The following PTPRG variants were observed in gnomAD, a reference collection of about 807,000 sequenced individuals.
PTPRG encodes the protein receptor-type tyrosine-protein phosphatase gamma.
Under a neutral mutation model 165.3 loss-of-function variants are expected in PTPRG, and 102 were observed. That is an observed-to-expected ratio of 0.62 (90% CI 0.53 to 0.73). PTPRG has a LOEUF of 0.73. PTPRG is among the 30% of genes least tolerant of loss of function. The probability of loss-of-function intolerance (pLI) is 0.00; values close to 1 mark genes in which losing one functional copy is unlikely to be tolerated. For missense variants in PTPRG, 1,866 were observed against 1,861.4 expected, an observed-to-expected ratio of 1.00 and a Z score of -0.05; for synonymous variants, 675 against 669.5, an observed-to-expected ratio of 1.01 and a Z score of -0.13.
intron 2 of PTPRG, among the ~76,000 whole-genome samples, chr3:61,880,323 G>A (rs1016894630): frequency 5.9e-5 from 9 of 152,116 alleles, no homozygotes; most frequent in Non-Finnish European, 1.2e-4. Flanking sequence ...ATTTAGCAAC[G>A]GACCGGCCGT....
At chr3:61,653,903 G>GAGT (rs1553644926) in intron 1 of PTPRG, among the ~76,000 whole-genome samples, 1 of 137,826 alleles carries the variant, frequency 7.3e-6, no homozygotes, top group Non-Finnish European at 1.6e-5. Context: ...GAGCGGTGGG[G>GAGT]GGCGCGGGGA....
At position 61,890,423 on chromosome 3, in the gene PTPRG, G is replaced by GT. The variant is rs11328993; in HGVS notation, c.191-99187dup. On this transcript the variant is annotated intron_variant, in intron 2 of 29. Transcript: ENST00000474889. Reference sequence around the variant, plus strand: ...GTTTCTTGTTCTTTGTTTTTTTTTTGTTTTTTTTTTTTTTTAGGGTCAGGT... The same window carrying GT: ...GTTTCTTGTTCTTTGTTTTTTTTTTGTTTTTTTTTTTTTTTTAGGGTCAGGT... 1.9e-3 allele frequency among the ~76,000 whole-genome samples: 223 copies of GT among 119,214 alleles called. 1 individual carries two copies. Among genetic ancestry groups the GT allele is most frequent in the Middle Eastern group, 4.5e-3 (1 of 220 alleles). 78.2% of individuals were successfully genotyped at this position (119,214 alleles called of 152,430 possible).
intron 2 of PTPRG, among the ~76,000 whole-genome samples, chr3:61,942,172 A>AG (rs1491291924): frequency 6.6e-6 from 1 of 151,560 alleles, no homozygotes; most frequent in African/African-American, 2.4e-5. Context: ...AAAAAAAAAA[A>AG]AGGAAGGAAG....
At position 62,237,527 on chromosome 3, in the gene PTPRG, C is replaced by T. The variant is rs930673896; in HGVS notation, c.2375+6216C>T. Among the ~76,000 whole-genome samples, 3 of 152,172 alleles carry T rather than the reference C, an allele frequency of 2.0e-5. No homozygotes were observed. The highest frequency in any genetic ancestry group is 2.0e-4 in the Admixed American group (3 of 15,278). The stretch of plus-strand genomic sequence containing the variant: ...ACAGCTGATACTGGCCGATGTGTTT[C>T]ACATCCTGACTAAAAGATGTACTCT... On this transcript the variant is annotated intron_variant, in intron 14 of 29. Transcript: ENST00000474889. The surrounding 1 kb of genome is among the most constrained non-coding windows in gnomAD (Gnocchi z 4.5).
At chr3:61,877,179 A>C (rs2037764624) in intron 2 of PTPRG, among the ~76,000 whole-genome samples, 1 of 152,224 alleles carries the variant, frequency 6.6e-6, no homozygotes, top group African/African-American at 2.4e-5. Context: ...TGCAGGGAAG[A>C]AAAATTATAT....
chr3:61,742,690 T>C (rs1301568648), intron 1 of PTPRG: 9 of 1,605,976 alleles, frequency 5.6e-6, no homozygotes, highest in Non-Finnish European at 7.6e-6. Flanking sequence ...GTTTTCGTTG[T>C]GTGTGAGCAG....
At chr3:62,062,560 A>G (rs1368525945) in intron 4 of PTPRG, among the ~76,000 whole-genome samples, 1 of 152,242 alleles carries the variant, frequency 6.6e-6, no homozygotes, top group Admixed American at 6.5e-5. Flanking sequence ...TTCCCTATCA[A>G]GTAACCAGTT....
intron 2 of PTPRG, among the ~76,000 whole-genome samples, chr3:61,862,048 A>G (rs947727876): frequency 7.2e-5 from 11 of 152,156 alleles, no homozygotes; most frequent in Admixed American, 6.5e-4. Context: ...CTGGCCTGTT[A>G]GGAACTGGGC....
intron 4 of PTPRG, among the ~76,000 whole-genome samples, chr3:62,037,008 C>CACACACAG (rs1699967320): frequency 6.6e-6 from 1 of 151,168 alleles, no homozygotes; most frequent in East Asian, 1.9e-4. Flanking sequence ...CACACACACA[C>CACACACAG]AGTGTTCCCT....
intron 7 of PTPRG, among the ~76,000 whole-genome samples, chr3:62,161,664 A>G (rs1704766258): frequency 6.6e-6 from 1 of 152,236 alleles, no homozygotes; most frequent in African/African-American, 2.4e-5. Flanking sequence ...TTTTCCTTCT[A>G]TAAAGCCCTT....
chr3:61,782,652 G>T (rs1327673948), intron 2 of PTPRG, among the ~76,000 whole-genome samples: 1 of 152,218 alleles, frequency 6.6e-6, no homozygotes, highest in Non-Finnish European at 1.5e-5. Flanking sequence ...GATGAAACAA[G>T]GGCTGAAAGA....
intron 12 of PTPRG, among the ~76,000 whole-genome samples, chr3:62,204,308 A>G (rs934456040): frequency 1.1e-4 from 17 of 152,304 alleles, no homozygotes; most frequent in East Asian, 5.8e-4. Flanking sequence ...TGTATCTACA[A>G]ATGGCTAGTT....
intron 2 of PTPRG, among the ~76,000 whole-genome samples, chr3:61,953,017 G>A (rs368953628): frequency 6.1e-4 from 93 of 152,212 alleles, no homozygotes; most frequent in African/African-American, 2.2e-3. Context: ...GCTTCCAATA[G>A]GTCTCAGGAT....
intron 1 of PTPRG, among the ~76,000 whole-genome samples, chr3:61,692,022 CA>C (rs1478956612): frequency 1.3e-5 from 2 of 152,184 alleles, no homozygotes; most frequent in Non-Finnish European, 2.9e-5. Context: ...TTTCATGATA[CA>C]TTTTTTACTT....
At chr3:62,170,814 A>C (rs902545030) in intron 8 of PTPRG, among the ~76,000 whole-genome samples, 1 of 152,168 alleles carries the variant, frequency 6.6e-6, no homozygotes, top group Non-Finnish European at 1.5e-5. Context: ...ACGTACATAA[A>C]AGTGCAGTAC....
intron 2 of PTPRG, among the ~76,000 whole-genome samples, chr3:61,866,582 CTTTTTTTTTTTTTTTTTTTTTTT>C (rs532356516): frequency 1.9e-4 from 13 of 69,110 alleles, no homozygotes; most frequent in East Asian, 1.7e-3. Flanking sequence ...ACTGTTTGCT[CTTTTTTTTTTTTTTTTTTTTTTT>C]TTTTTTTTTT....
intron 5 of PTPRG, among the ~76,000 whole-genome samples, chr3:62,094,784 G>A (rs1473192556): frequency 2.0e-5 from 3 of 152,204 alleles, no homozygotes; most frequent in South Asian, 4.1e-4. Context: ...AGACTGGGGA[G>A]AGTAGGGAGG....
intron 8 of PTPRG, among the ~76,000 whole-genome samples, chr3:62,180,534 AG>A (rs1248496402): frequency 6.6e-6 from 1 of 152,208 alleles, no homozygotes; most frequent in African/African-American, 2.4e-5. Flanking sequence ...GCTCAATTAA[AG>A]TGGGATAGGT....
chr3:61,708,512 A>C (rs1474334677), intron 1 of PTPRG, among the ~76,000 whole-genome samples: 1 of 119,376 alleles, frequency 8.4e-6, no homozygotes, highest in Non-Finnish European at 1.6e-5. Context: ...CCCTGACTGG[A>C]GTGCAGTGGC....
Sources: allele counts gnomAD v4.1 joint callset (sites outside exome capture counted in the v4.1 genomes callset), GRCh38; gene constraint gnomAD v4.1.1; non-coding constraint Gnocchi (gnomAD v3.1); transcripts MANE v1.5; gene names NCBI Gene and HGNC (gene_info 2026-07-23, HGNC 2026-07-21).